ATP6V0D2: variants seen among roughly 807,000 people sequenced by gnomAD.
The protein encoded by ATP6V0D2 is V-type proton ATPase subunit d 2.
Under a neutral mutation model 40.0 loss-of-function variants are expected in ATP6V0D2, and 40 were observed. The ratio of observed to expected loss-of-function variants is 1.00; its 90% CI spans 0.78 to 1.30. ATP6V0D2 has a LOEUF of 1.30. Ranked by LOEUF, ATP6V0D2 falls within the 50% of genes most tolerant of loss-of-function variation. The pLI is 0.00. For synonymous variants in ATP6V0D2, 179 were observed against 156.3 expected, an observed-to-expected ratio of 1.15 and a Z score of -1.08; for missense variants, 470 against 423.1, an observed-to-expected ratio of 1.11 and a Z score of -0.97.
At position 86,113,863 on chromosome 8, in the gene ATP6V0D2, A is replaced by G; in HGVS notation, c.285A>G (p.Thr95=). 3 of 1,612,676 alleles carry G rather than the reference A, an allele frequency of 1.9e-6. No individual in the cohort carries two copies. Among genetic ancestry groups the G allele is most frequent in the Non-Finnish European group, 2.5e-6 (3 of 1,179,432 alleles). The change falls in exon 2 of 8, where the codon ACA becomes ACG. Residue 95 remains threonine (T), a synonymous_variant. Transcript: ENST00000285393. ...ATCATTCCCTGGAGCCCCTCAGCACATTTCTCACCTATATGACGTAAGTGA... is the reference window on the plus strand; with the variant it reads ...ATCATTCCCTGGAGCCCCTCAGCACGTTTCTCACCTATATGACGTAAGTGA... ...FRNHSLEPLS[T]FLTYMTCSYM... is the part of the protein sequence containing the mutation.
intron 1 of ATP6V0D2, among the ~76,000 whole-genome samples, chr8:86,100,415 G>A (rs1006718956): frequency 2.0e-5 from 3 of 152,060 alleles, no homozygotes; most frequent in Admixed American, 2.0e-4. Context: ...GTATTAAAAG[G>A]CAAAAACGAA....
chr8:86,150,707 C>T (rs966350939), intron 6 of ATP6V0D2, among the ~76,000 whole-genome samples: 1 of 152,136 alleles, frequency 6.6e-6, no homozygotes, highest in African/African-American at 2.4e-5. Flanking sequence ...CGGCAAGGAA[C>T]AATATGGATG....
At chr8:86,103,579 A>T (rs562481743) in intron 1 of ATP6V0D2, among the ~76,000 whole-genome samples, 1 of 152,130 alleles carries the variant, frequency 6.6e-6, no homozygotes, top group Non-Finnish European at 1.5e-5. Context: ...ATTCAACACC[A>T]TCTAGTAAGT....
chr8:86,144,953 G>A (rs1426086849), intron 5 of ATP6V0D2, among the ~76,000 whole-genome samples: 3 of 150,390 alleles, frequency 2.0e-5, no homozygotes, highest in Non-Finnish European at 4.4e-5. Flanking sequence ...TTGGGAGTTC[G>A]AGACCAGCCT....
At chr8:86,105,389 C>T (rs1203847302) in intron 1 of ATP6V0D2, among the ~76,000 whole-genome samples, 2 of 152,026 alleles carry the variant, frequency 1.3e-5, no homozygotes, top group African/African-American at 4.8e-5. Flanking sequence ...CTCTACCTCT[C>T]CCGGACTTAA....
At position 86,151,411 on chromosome 8, in the gene ATP6V0D2, A is replaced by T. The variant is rs530543915; in HGVS notation, c.817-55A>T. The T allele has an allele frequency of 6.0e-6, 7 of 1,169,958 alleles. No homozygotes were observed. In the Admixed American group the frequency reaches 1.7e-4, roughly 28 times the overall value. 72.5% of individuals were successfully genotyped at this position (1,169,958 alleles called of 1,614,324 possible). ...CTATAATGCTAGGAAAAATATATTTATATACATTTATAAGAAATGAAAATG... is the reference window on the plus strand; with the variant it reads ...CTATAATGCTAGGAAAAATATATTTTTATACATTTATAAGAAATGAAAATG... On this transcript the variant is annotated intron_variant, in intron 6 of 7. Coordinates refer to ENST00000285393, the MANE Select transcript of ATP6V0D2 (RefSeq NM_152565.1).
In ATP6V0D2 at chr8:86,139,622, C is replaced by A. The variant is rs1208196259; in HGVS notation, c.468C>A (p.Ile156=). The change falls in exon 3 of 8, where the codon ATC becomes ATA. Residue 156 remains isoleucine (I), a synonymous_variant. Coordinates refer to ENST00000285393, the MANE Select transcript of ATP6V0D2 (RefSeq NM_152565.1). ...CAGATCTCTTTAATGCCATTCTGAT[C>A]GAAACGCCATTAGGTAGGAACACTT... is the stretch of plus-strand genomic sequence containing the variant. ...TPSDLFNAIL[I]ETPLAPFFQD... 1.3e-5 allele frequency: 20 copies of A among 1,596,510 alleles called. No individual in the cohort carries two copies. Among genetic ancestry groups the A allele is most frequent in the African/African-American group, 4.1e-5 (3 of 74,018 alleles).
intron 4 of ATP6V0D2, 60 bp from the exon 5 acceptor site, chr8:86,142,817 G>T: frequency 9.3e-7 from 1 of 1,080,840 alleles, no homozygotes; most frequent in African/African-American, 1.6e-5. Flanking sequence ...AGCTGATCTA[G>T]ACATTTTCAA....
At chr8:86,106,460 C>G (rs1054727312) in intron 1 of ATP6V0D2, among the ~76,000 whole-genome samples, 1 of 152,190 alleles carries the variant, frequency 6.6e-6, no homozygotes, top group Non-Finnish European at 1.5e-5. Flanking sequence ...ATGGTATCTC[C>G]GTGGCCTAAC....
At chr8:86,115,357 C>CCTTTT (rs1586088786) in intron 2 of ATP6V0D2, among the ~76,000 whole-genome samples, 1 of 79,500 alleles carries the variant, frequency 1.3e-5, no homozygotes, top group Non-Finnish European at 2.3e-5. Flanking sequence ...CCGTATCATC[C>CCTTTT]ATTTTTTTTT....
At chr8:86,131,408 C>T (rs1459732435) in intron 2 of ATP6V0D2, among the ~76,000 whole-genome samples, 1 of 152,100 alleles carries the variant, frequency 6.6e-6, no homozygotes, top group African/African-American at 2.4e-5. Context: ...ACCATGTTGG[C>T]CAGGATGGTC....
chr8:86,105,497 C>T (rs1818457521), intron 1 of ATP6V0D2, among the ~76,000 whole-genome samples: 1 of 151,856 alleles, frequency 6.6e-6, no homozygotes, highest in Non-Finnish European at 1.5e-5. Flanking sequence ...AGGGTTTATT[C>T]ATGTTGCGCA....
chr8:86,113,277 G>C (rs1438561688), intron 1 of ATP6V0D2, among the ~76,000 whole-genome samples: 1 of 151,924 alleles, frequency 6.6e-6, no homozygotes, highest in African/African-American at 2.4e-5. Context: ...TCAGGAGTTC[G>C]AGACCAGCCT....
At chr8:86,127,027 A>G (rs1440456789) in intron 2 of ATP6V0D2, among the ~76,000 whole-genome samples, 1 of 152,226 alleles carries the variant, frequency 6.6e-6, no homozygotes, top group Non-Finnish European at 1.5e-5. Context: ...ATTTTGCTTC[A>G]AGGAAAAACA....
intron 5 of ATP6V0D2, among the ~76,000 whole-genome samples, chr8:86,148,732 C>T (rs1819102949): frequency 6.6e-6 from 1 of 152,050 alleles, no homozygotes; most frequent in African/African-American, 2.4e-5. Context: ...CTGTTGGATA[C>T]AGTAAATACT....
Position 86,098,972 on chromosome 8 carries a change from T to C in ATP6V0D2, c.-7T>C. The C allele has an allele frequency of 6.2e-7, 1 of 1,612,214 alleles. No individual in the cohort carries two copies. The highest frequency in any genetic ancestry group is 8.5e-7 in the Non-Finnish European group (1 of 1,178,870). ...TTCACCCTACCTTGGCTTCAATCTC[T>C]TCCCCCATGCTCGAAGGTGCGGAGC... is the stretch of plus-strand genomic sequence containing the variant. On this transcript the variant is annotated 5_prime_UTR_variant, in exon 1 of 8. Coordinates refer to ENST00000285393, the MANE Select transcript of ATP6V0D2 (RefSeq NM_152565.1).
At chr8:86,116,789 G>A (rs977844833) in intron 2 of ATP6V0D2, among the ~76,000 whole-genome samples, 2 of 152,040 alleles carry the variant, frequency 1.3e-5, no homozygotes, top group Non-Finnish European at 2.9e-5. Context: ...TTATATTTTA[G>A]TAAATATTTC....
rs1343121465 is a variant in ATP6V0D2, at chr8:86,152,810, C to T, written c.892-6C>T. 9 of 1,580,878 alleles carry T rather than the reference C, an allele frequency of 5.7e-6. No individual in the cohort carries two copies. The highest frequency in any genetic ancestry group is 3.9e-5 in the Admixed American group (2 of 50,784). ...ATGATCTGTGTTACTTTTTTTCTTT[C>T]CTCAGGTACAAATGAATGTGCTGGC... On this transcript the variant is annotated splice_region_variant and splice_polypyrimidine_tract_variant and intron_variant, in intron 7 of 7. Coordinates refer to ENST00000285393, the MANE Select transcript of ATP6V0D2 (RefSeq NM_152565.1).
intron 1 of ATP6V0D2, among the ~76,000 whole-genome samples, chr8:86,101,221 G>A (rs1267141472): frequency 1.3e-5 from 2 of 151,032 alleles, no homozygotes; most frequent in Non-Finnish European, 1.5e-5. Context: ...CATTTTGAAA[G>A]GCCTAGGTGT....
Sources: allele counts gnomAD v4.1 joint callset (sites outside exome capture counted in the v4.1 genomes callset), GRCh38; gene constraint gnomAD v4.1.1; transcripts MANE v1.5; gene names NCBI Gene and HGNC (gene_info 2026-07-23, HGNC 2026-07-21).